The following ULK4 variants were observed in gnomAD, a reference collection of about 807,000 sequenced individuals.
ULK4 encodes inactive serine/threonine-protein kinase ULK4.
Under a neutral mutation model 160.6 loss-of-function variants are expected in ULK4, and 133 were observed. The ratio of observed to expected loss-of-function variants is 0.83; its 90% CI spans 0.72 to 0.96. ULK4 has a LOEUF of 0.96. Among genes scored for constraint, ULK4 ranks in the 40% least tolerant of loss-of-function variants. The probability of loss-of-function intolerance (pLI) is 0.00; values close to 1 mark genes in which losing one functional copy is unlikely to be tolerated. For missense variants in ULK4, 1,580 were observed against 1,499.5 expected (o/e 1.05, Z -0.89); for synonymous variants, 534 against 539.8 (o/e 0.99, Z 0.15).
At chr3:41,784,878 T>C (rs2039956413) in intron 21 of ULK4, among the ~76,000 whole-genome samples, 1 of 152,192 alleles carries the variant, frequency 6.6e-6, no homozygotes, top group Non-Finnish European at 1.5e-5. Flanking sequence ...AAATTTCAAA[T>C]GGAGAATCAG....
intron 8 of ULK4, 120 bp from the exon 9 acceptor site, chr3:41,913,019 T>C (rs1698841839): frequency 1.3e-6 from 1 of 744,372 alleles, no homozygotes. Flanking sequence ...TTTGAAATCA[T>C]TTTATATTTT....
intron 34 of ULK4, among the ~76,000 whole-genome samples, chr3:41,414,391 A>G (rs1223538187): frequency 1.3e-5 from 2 of 152,222 alleles, no homozygotes; most frequent in Non-Finnish European, 2.9e-5. Context: ...TTGAATTTTA[A>G]AAACTGTTTT....
chr3:41,840,502 A>G (rs2041881423), intron 17 of ULK4, among the ~76,000 whole-genome samples: 1 of 152,136 alleles, frequency 6.6e-6, no homozygotes, highest in African/African-American at 2.4e-5. Flanking sequence ...TGGCCTGCCG[A>G]GTGCCTGCGA....
chr3:41,896,722 G>T (rs903532643), intron 15 of ULK4, 100 bp downstream of exon 15: 18 of 1,341,978 alleles, frequency 1.3e-5, no homozygotes, highest in Non-Finnish European at 1.6e-5. Flanking sequence ...TGATAAATCA[G>T]TTTTTTTGTG....
At chr3:41,531,934 G>C (rs1227925195) in intron 32 of ULK4, among the ~76,000 whole-genome samples, 1 of 152,190 alleles carries the variant, frequency 6.6e-6, no homozygotes, top group African/African-American at 2.4e-5. Flanking sequence ...GCTGAGTCTA[G>C]TACAATGGTT....
chr3:41,554,040 ATTGTT>A (rs2087188881), intron 32 of ULK4, among the ~76,000 whole-genome samples: 1 of 152,030 alleles, frequency 6.6e-6, no homozygotes, highest in Non-Finnish European at 1.5e-5. Flanking sequence ...CATAAGTTCA[ATTGTT>A]TTAATTTTTT....
intron 35 of ULK4, among the ~76,000 whole-genome samples, chr3:41,266,112 C>T (rs574135304): frequency 5.3e-5 from 8 of 152,174 alleles, no homozygotes; most frequent in South Asian, 4.1e-4. Context: ...TCAAAGAGCC[C>T]GGATATTCCT....
At chr3:41,456,977 T>C (rs1440860760) in intron 33 of ULK4, among the ~76,000 whole-genome samples, 1 of 152,230 alleles carries the variant, frequency 6.6e-6, no homozygotes, top group Non-Finnish European at 1.5e-5. Flanking sequence ...AGGGTCATCA[T>C]TAGCTCGGAG....
Position 41,428,135 on chromosome 3 carries a change from G to C in ULK4, c.3492+27362C>G, listed in dbSNP as rs1422863342. Among the ~76,000 whole-genome samples the C allele has an allele frequency of 2.0e-5, 3 of 147,716 alleles. No individual in the cohort carries two copies. In the East Asian group the frequency reaches 5.8e-4, roughly 29 times the overall value. Reference sequence around the variant, plus strand: ...CCTATACACCAACAACAGGCAAGTAGACAACCAAATCATAATGAACTCTCA... The same window carrying C: ...CCTATACACCAACAACAGGCAAGTACACAACCAAATCATAATGAACTCTCA... On this transcript the variant is annotated intron_variant, in intron 34 of 36. Transcript: ENST00000301831.
chr3:41,941,619 T>C (rs1451315767), intron 2 of ULK4, among the ~76,000 whole-genome samples: 1 of 150,998 alleles, frequency 6.6e-6, no homozygotes, highest in Non-Finnish European at 1.5e-5. Flanking sequence ...TAGCCAGGCA[T>C]GGTGGCACAT....
chr3:41,356,842 C>A (rs2081039934), intron 35 of ULK4, among the ~76,000 whole-genome samples: 1 of 152,050 alleles, frequency 6.6e-6, no homozygotes, highest in East Asian at 1.9e-4. Context: ...AAGAGGGAAG[C>A]CTGAGAAGTG....
chr3:41,319,438 TTAAG>T (rs1292225694), intron 35 of ULK4, among the ~76,000 whole-genome samples: 1 of 152,200 alleles, frequency 6.6e-6, no homozygotes, highest in East Asian at 1.9e-4. Context: ...AGCCAAGTGT[TTAAG>T]TACTGTCAAT....
At chr3:41,314,834 T>TAA (rs2080118267) in intron 35 of ULK4, among the ~76,000 whole-genome samples, 1 of 152,020 alleles carries the variant, frequency 6.6e-6, no homozygotes, top group Admixed American at 6.6e-5. Flanking sequence ...TGTGTGTGTG[T>TAA]AACCACTGAT....
At chr3:41,635,676 T>A (rs549984989) in intron 30 of ULK4, among the ~76,000 whole-genome samples, 8 of 152,170 alleles carry the variant, frequency 5.3e-5, no homozygotes, top group Admixed American at 1.3e-4. Flanking sequence ...TCAATTAATG[T>A]CTAACAACTC....
At chr3:41,950,331 C>A (rs1341385564) in intron 2 of ULK4, among the ~76,000 whole-genome samples, 1 of 152,112 alleles carries the variant, frequency 6.6e-6, no homozygotes, top group Non-Finnish European at 1.5e-5. Flanking sequence ...ACCTCCACCT[C>A]CTGAGTTCAA....
rs1698536260 is a variant in ULK4 at position 41,905,910 on chromosome 3, C to T, written c.1182+1935G>A. Reference sequence around the variant, plus strand: ...GCCAACATGGTGAAACCTGTCTCTACTAAAAATACAAAAATTAGCCAGGTG... The same window carrying T: ...GCCAACATGGTGAAACCTGTCTCTATTAAAAATACAAAAATTAGCCAGGTG... On this transcript the variant is annotated intron_variant, in intron 12 of 36. Transcript: ENST00000301831. 3.3e-5 allele frequency among the ~76,000 whole-genome samples: 5 copies of T among 151,950 alleles called. No homozygotes were observed. In the South Asian group the frequency reaches 1.0e-3, roughly 32 times the overall value.
intron 31 of ULK4, among the ~76,000 whole-genome samples, chr3:41,568,270 G>C (rs534983504): frequency 1.3e-5 from 2 of 152,324 alleles, no homozygotes; most frequent in South Asian, 2.1e-4. Flanking sequence ...TAGGGAACAG[G>C]ATAAGGTGGC....
Position 41,492,596 on chromosome 3 carries a change from T to A in ULK4, c.3227-29343A>T, listed in dbSNP as rs375700941. Among the ~76,000 whole-genome samples the A allele has an allele frequency of 6.1e-3, 899 of 148,562 alleles. 11 individuals carry two copies. The highest frequency in any genetic ancestry group is 0.023 in the African/African-American group (866 of 38,356). ...ATAACAATATTAACTTTAAATGTAA[T>A]TGGACTAAATGCTCCAATTAAAAGA... On this transcript the variant is annotated intron_variant, in intron 32 of 36. Coordinates refer to ENST00000301831, the MANE Select transcript of ULK4 (RefSeq NM_017886.4).
At chr3:41,801,847 T>G (rs2040468993) in intron 19 of ULK4, among the ~76,000 whole-genome samples, 1 of 151,072 alleles carries the variant, frequency 6.6e-6, no homozygotes, top group Admixed American at 6.6e-5. Context: ...CAAGACCCTG[T>G]CTCAAAAATA....
Sources: allele counts gnomAD v4.1 joint callset (sites outside exome capture counted in the v4.1 genomes callset), GRCh38; gene constraint gnomAD v4.1.1; transcripts MANE v1.5; gene names NCBI Gene and HGNC (gene_info 2026-07-23, HGNC 2026-07-21).